The following LRIG2 variants were observed in gnomAD, a reference collection of about 807,000 sequenced individuals.
LRIG2 encodes the protein leucine-rich repeats and immunoglobulin-like domains protein 2.
LRIG2 carries 93 observed loss-of-function variants against 107.8 expected under a neutral mutation model. The observed-to-expected ratio is 0.86, with a 90% CI of 0.73 to 1.03. The LOEUF (loss-of-function observed/expected upper bound fraction) is 1.03, where lower values mean the gene tolerates loss of function less well. Ranked by LOEUF, LRIG2 falls within the 50% of genes least tolerant of loss-of-function variation. The pLI is 0.00. For missense variants in LRIG2, 1,226 were observed against 1,296.0 expected, an observed-to-expected ratio of 0.95 and a Z score of 0.83; for synonymous variants, 471 against 470.6, an observed-to-expected ratio of 1.00 and a Z score of -0.01.
At position 113,093,298 on chromosome 1, in the gene LRIG2, C is replaced by T; in HGVS notation, c.380+18C>T. The T allele has an allele frequency of 6.4e-7, 1 of 1,562,310 alleles. No individual in the cohort carries two copies. Among genetic ancestry groups the T allele is most frequent in the Non-Finnish European group, 8.7e-7 (1 of 1,152,096 alleles). On this transcript the variant is annotated intron_variant, in intron 3 of 17. Coordinates refer to ENST00000361127, the MANE Select transcript of LRIG2 (RefSeq NM_014813.3). Reference sequence around the variant, plus strand: ...CTTTCATTGTAAGTTAGTAAGTTTTCAGGTTTTTTACTTAAATTATGAAAA... The same window carrying T: ...CTTTCATTGTAAGTTAGTAAGTTTTTAGGTTTTTTACTTAAATTATGAAAA...
rs549880831 is a variant in LRIG2, at chr1:113,126,583, T to A, written c.*2482T>A. 6.6e-6 allele frequency: 1 copy of A among 152,398 alleles called. No homozygotes were observed. Among genetic ancestry groups the A allele is most frequent in the East Asian group, 1.9e-4 (1 of 5,188 alleles). 9.4% of individuals were successfully genotyped at this position (152,398 alleles called of 1,614,324 possible). ...ATAAAATTGATCCCTACATTGAATC[T>A]GAAATTACCACTATATGGATTACTC... On this transcript the variant is annotated 3_prime_UTR_variant, in exon 18 of 18. Coordinates refer to ENST00000361127, the MANE Select transcript of LRIG2 (RefSeq NM_014813.3).
intron 1 of LRIG2, among the ~76,000 whole-genome samples, chr1:113,080,039 T>TTTTTA (rs1653189551): frequency 2.7e-5 from 4 of 147,644 alleles, no homozygotes; most frequent in African/African-American, 1.0e-4. Flanking sequence ...TTTTTTTTTT[T>TTTTTA]GAGACGGAAT....
intron 7 of LRIG2, 93 bp downstream of exon 7, chr1:113,096,110 C>G: frequency 1.3e-6 from 2 of 1,584,440 alleles, no homozygotes; most frequent in Admixed American, 1.7e-5. Context: ...TGTAACATCC[C>G]TCTTTACTAG....
chr1:113,100,156 GAATTT>G (rs929703434), intron 9 of LRIG2, 50 bp from the exon 10 acceptor site: 2 of 1,066,444 alleles, frequency 1.9e-6, no homozygotes, highest in Non-Finnish European at 2.7e-6. Context: ...AATGTTTAAT[GAATTT>G]AATTTTGTTT....
At chr1:113,088,552 G>C (rs192125345) in intron 1 of LRIG2, among the ~76,000 whole-genome samples, 2 of 152,120 alleles carry the variant, frequency 1.3e-5, no homozygotes, top group Non-Finnish European at 2.9e-5. Context: ...TTTAGGGTTG[G>C]GAAAGGCATT....
Position 113,093,252 on chromosome 1 carries a change from C to A in LRIG2, c.352C>A (p.Pro118Thr), listed in dbSNP as rs1049556029. The A allele has an allele frequency of 2.5e-6, 4 of 1,598,630 alleles. No individual in the cohort carries two copies. The African/African-American group carries it at 4.0e-5, about 16-fold the overall frequency. ...ELTEIPYFGE[P>T]TSNITLLSLV... Reference sequence around the variant, plus strand: ...AACAGAAATCCCGTATTTTGGAGAACCTACATCTAATATTACTCTACTTTC... The same window carrying A: ...AACAGAAATCCCGTATTTTGGAGAAACTACATCTAATATTACTCTACTTTC... Residue 118 changes from proline to threonine, a missense_variant, in exon 3 of 18, where the codon CCT becomes ACT. Around this residue, in one of 3 missense-constraint regions of LRIG2, gnomAD observed 570 missense variants for 550.2 expected, o/e 1.04. Transcript: ENST00000361127.
At chr1:113,105,415 C>G (rs1222971117) in intron 11 of LRIG2, among the ~76,000 whole-genome samples, 1 of 152,050 alleles carries the variant, frequency 6.6e-6, no homozygotes, top group Admixed American at 6.6e-5. Flanking sequence ...GTGGTACTTT[C>G]TAATTTTCTA....
chr1:113,115,178 C>T (rs1292173171), intron 15 of LRIG2, among the ~76,000 whole-genome samples: 1 of 152,140 alleles, frequency 6.6e-6, no homozygotes. Flanking sequence ...AACAGAACCT[C>T]TTTGAGGAAT....
At position 113,130,619 on chromosome 1, in the gene LRIG2, A is replaced by G. The variant is rs575055532; in HGVS notation, c.*6518A>G. 1 of 152,206 alleles carries G rather than the reference A, an allele frequency of 6.6e-6. No homozygotes were observed. Among genetic ancestry groups the G allele is most frequent in the Non-Finnish European group, 1.5e-5 (1 of 68,034 alleles). 9.4% of individuals were successfully genotyped at this position (152,206 alleles called of 1,614,324 possible). On this transcript the variant is annotated 3_prime_UTR_variant, in exon 18 of 18. Coordinates refer to ENST00000361127, the MANE Select transcript of LRIG2 (RefSeq NM_014813.3). ...GTGTTTAAGAGATTTCTTCATTGAG[A>G]TGGAATATGGGCAAGATGACCTTTA...
rs1653914525 is a variant in LRIG2, at chr1:113,093,482, G to T, written c.433G>T (p.Ala145Ser). 6.2e-7 allele frequency: 1 copy of T among 1,612,242 alleles called. No individual in the cohort carries two copies. The highest frequency in any genetic ancestry group is 1.3e-5 in the African/African-American group (1 of 74,966). Residue 145 changes from alanine (A) to serine (S), a missense_variant, in exon 4 of 18, where the codon GCT (alanine) becomes TCT (serine). Transcript: ENST00000361127. ...INAQALQFYP[A>S]LESLDLSSNI... ...TGCACAGGCACTCCAGTTTTACCCT[G>T]CTCTGGAGAGTTTAGACCTCAGCTC...
intron 11 of LRIG2, among the ~76,000 whole-genome samples, chr1:113,104,857 G>A (rs1654465122): frequency 6.6e-6 from 1 of 152,132 alleles, no homozygotes; most frequent in South Asian, 2.1e-4. Flanking sequence ...AATTGAAAAT[G>A]CCTACCTCAA....
intron 9 of LRIG2, 110 bp from the exon 10 acceptor site, chr1:113,100,101 G>C: frequency 1.8e-6 from 1 of 556,408 alleles, no homozygotes; most frequent in East Asian, 2.9e-5. Flanking sequence ...AAGCTGTTAA[G>C]TATATAAAAA....
intron 6 of LRIG2, 102 bp downstream of exon 6, chr1:113,094,857 C>G: frequency 9.2e-7 from 1 of 1,087,474 alleles, no homozygotes; most frequent in Non-Finnish European, 1.3e-6. Context: ...GAGATACATT[C>G]ATTCATTCCC....
At position 113,110,399 on chromosome 1, in the gene LRIG2, T is replaced by G; in HGVS notation, c.1635T>G (p.Thr545=). 2 of 1,614,146 alleles carry G rather than the reference T, an allele frequency of 1.2e-6. No homozygotes were observed. The highest frequency in any genetic ancestry group is 2.2e-5 in the South Asian group (2 of 91,084). ...KDSEILYDVD[T]ENFVRYWQQA... is the part of the protein sequence containing the mutation. ...GTGAAATCCTGTATGACGTGGATACTGAGAATTTTGTTCGTTATTGGCAGC... is the reference window on the plus strand; with the variant it reads ...GTGAAATCCTGTATGACGTGGATACGGAGAATTTTGTTCGTTATTGGCAGC... Residue 545 remains threonine (T), a synonymous_variant, in exon 13 of 18, where the codon ACT becomes ACG. Coordinates refer to ENST00000361127, the MANE Select transcript of LRIG2 (RefSeq NM_014813.3).
rs1437564600 is a variant in LRIG2 at position 113,123,727 on chromosome 1, T to TTTTTTGTGTG, written c.2972-147_2972-146insTTTTGTGTGT. The TTTTTTGTGTG allele has an allele frequency of 5.8e-4, 347 of 597,156 alleles. No homozygotes were observed. The African/African-American group carries it at 6.0e-3, about 10-fold the overall frequency. 37.0% of individuals were successfully genotyped at this position (597,156 alleles called of 1,614,324 possible). A position where few individuals can be genotyped will look rare whatever the true frequency, so the allele number is the denominator to read the frequency against. On this transcript the variant is annotated intron_variant, in intron 17 of 17. Transcript: ENST00000361127. ...AAAGACCATGTTCTGGTGGTGGTTT[T>TTTTTTGTGTG]TGTGTGTGTGTGTGTGTGTGTGTGT...
chr1:113,095,821 A>G, intron 6 of LRIG2, 53 bp from the exon 7 acceptor site: 11 of 1,600,008 alleles, frequency 6.9e-6, no homozygotes, highest in Non-Finnish European at 8.6e-6. Context: ...AAAGCTAGTT[A>G]TTGAACTGCC....
intron 16 of LRIG2, 30 bp from the exon 17 acceptor site, chr1:113,119,203 A>T: frequency 3.2e-6 from 5 of 1,582,544 alleles, no homozygotes; most frequent in Non-Finnish European, 4.3e-6. Flanking sequence ...CTTAACAGAA[A>T]GATATTTAGA....
chr1:113,087,043 T>A (rs996280675), intron 1 of LRIG2, among the ~76,000 whole-genome samples: 6 of 152,180 alleles, frequency 3.9e-5, no homozygotes, highest in Non-Finnish European at 8.8e-5. Flanking sequence ...GTAAGGAGAC[T>A]GAGGTAGGAG....
At chr1:113,078,427 C>CG (rs1653093997) in intron 1 of LRIG2, among the ~76,000 whole-genome samples, 1 of 151,072 alleles carries the variant, frequency 6.6e-6, no homozygotes, top group Non-Finnish European at 1.5e-5. Context: ...TTAGTAGAGA[C>CG]GGGGTTTCAC....
Sources: allele counts gnomAD v4.1 joint callset (sites outside exome capture counted in the v4.1 genomes callset), GRCh38; gene constraint gnomAD v4.1.1; regional missense constraint gnomAD v4.1.1; transcripts MANE v1.5; gene names NCBI Gene and HGNC (gene_info 2026-07-23, HGNC 2026-07-21).